UNC93B1: variants seen among roughly 807,000 people sequenced by gnomAD.
UNC93B1 encodes unc-93B1 regulator of TLR signaling.
UNC93B1 carries 33 observed loss-of-function variants against 56.8 expected under a neutral mutation model. The ratio of observed to expected loss-of-function variants is 0.58; its 90% CI spans 0.44 to 0.78. The LOEUF is 0.78. Among genes scored for constraint, UNC93B1 ranks in the 30% least tolerant of loss-of-function variants. The pLI, the probability that UNC93B1 is intolerant of heterozygous loss-of-function variation, is 0.00. For missense variants in UNC93B1, 673 were observed against 819.5 expected (o/e 0.82, Z 2.18); for synonymous variants, 334 against 358.6 (o/e 0.93, Z 0.77).
At chr11:67,995,327 C>T (rs1430383152) in intron 9 of UNC93B1, among the ~76,000 whole-genome samples, 4 of 152,066 alleles carry the variant, frequency 2.6e-5, no homozygotes, top group South Asian at 2.1e-4. Flanking sequence ...GCCCTGTGCC[C>T]GCTCTGGGGT....
rs1251497724 is a variant in UNC93B1 at position 67,991,428 on chromosome 11, G to A, written c.*118C>T. ...TGGGAGGGGCGTCCCCAACGTGGGG[G>A]AGGGGAGACAGGGGCCTTTGAAGAC... On this transcript the variant is annotated 3_prime_UTR_variant, in exon 11 of 11. Coordinates refer to ENST00000227471, the MANE Select transcript of UNC93B1 (RefSeq NM_030930.4). The A allele has an allele frequency of 2.9e-6, 3 of 1,026,498 alleles. No homozygotes were observed. The highest frequency in any genetic ancestry group is 3.9e-6 in the Non-Finnish European group (3 of 769,466). 63.6% of individuals were successfully genotyped at this position (1,026,498 alleles called of 1,614,324 possible). A position where few individuals can be genotyped will look rare whatever the true frequency, so the allele number is the denominator to read the frequency against.
chr11:68,003,718 GC>G lies in UNC93B1; in HGVS notation c.176del (p.Gly59AlafsTer28). 1 of 1,528,008 alleles carries G rather than the reference GC, an allele frequency of 6.5e-7. No homozygotes were observed. Among genetic ancestry groups the G allele is most frequent in the East Asian group, 2.5e-5 (1 of 39,370 alleles). 94.7% of individuals were successfully genotyped at this position (1,528,008 alleles called of 1,614,324 possible). A position where few individuals can be genotyped will look rare whatever the true frequency, so the allele number is the denominator to read the frequency against. Reference protein sequence around the residue: ...ERRYYRRKRLGVLKNVLAASA... With the variant: ...ERRYYRRKRLXVLKNVLAASA... ...TGGCAGCCAGCACGTTCTTGAGCAC[GC>G]CCAGGCGCTTGCGGCGGTAGTAGCG... On this transcript the variant is annotated frameshift_variant, in exon 2 of 11. Transcript: ENST00000227471. LOFTEE classifies it high-confidence loss of function. This position sits in a 1 kb window ranked among gnomAD's most constrained non-coding sequence, Gnocchi z 4.4.
At position 68,003,629 on chromosome 11, in the gene UNC93B1, CG is replaced by C; in HGVS notation, c.238+27del. 2 of 1,503,306 alleles carry C rather than the reference CG, an allele frequency of 1.3e-6. No homozygotes were observed. The highest frequency in any genetic ancestry group is 1.8e-6 in the Non-Finnish European group (2 of 1,131,772). 93.1% of individuals were successfully genotyped at this position (1,503,306 alleles called of 1,614,324 possible). A position where few individuals can be genotyped will look rare whatever the true frequency, so the allele number is the denominator to read the frequency against. ...CGGGCCGGGCTGGGAGCGGGCGGGG[CG>C]GCCCCGGGTCCCCGAGCGGCACCTA... On this transcript the variant is annotated intron_variant, in intron 2 of 10. Transcript: ENST00000227471. The surrounding 1 kb of genome is among the most constrained non-coding windows in gnomAD (Gnocchi z 4.4).
rs1380179593 is a variant in UNC93B1, at chr11:68,003,448, C to G, written c.238+209G>C. 1.2e-6 allele frequency: 1 copy of G among 857,060 alleles called. No individual in the cohort carries two copies. Among genetic ancestry groups the G allele is most frequent in the Non-Finnish European group, 1.7e-6 (1 of 592,922 alleles). 53.1% of individuals were successfully genotyped at this position (857,060 alleles called of 1,614,324 possible). On this transcript the variant is annotated intron_variant, in intron 2 of 10. Coordinates refer to ENST00000227471, the MANE Select transcript of UNC93B1 (RefSeq NM_030930.4). The surrounding 1 kb of genome is among the most constrained non-coding windows in gnomAD (Gnocchi z 4.4). ...TGTCCGGGAGCCCGGACCCCCGTCC[C>G]CCACCCACACCGAGGCTCTGGCTGG... is the stretch of plus-strand genomic sequence containing the variant.
intron 6 of UNC93B1, 114 bp from the exon 7 acceptor site, chr11:67,997,913 A>G: frequency 6.8e-7 from 1 of 1,460,916 alleles, no homozygotes; most frequent in South Asian, 1.2e-5. Flanking sequence ...CGGGAGAGTG[A>G]GAGCAAGGGC....
At chr11:67,994,459 C>T (rs1194848600) in intron 9 of UNC93B1, among the ~76,000 whole-genome samples, 1 of 152,180 alleles carries the variant, frequency 6.6e-6, no homozygotes, top group Admixed American at 6.5e-5. Context: ...ATAGGGGCCA[C>T]TATTAACACC....
chr11:67,994,585 G>T (rs1856904264), intron 9 of UNC93B1, among the ~76,000 whole-genome samples: 1 of 152,128 alleles, frequency 6.6e-6, no homozygotes, highest in Non-Finnish European at 1.5e-5. Context: ...GGAGGAGATG[G>T]GATATGGAGC....
At chr11:67,997,471 C>T in intron 7 of UNC93B1, 1 of 864,174 alleles carries the variant, frequency 1.2e-6, no homozygotes, top group Non-Finnish European at 1.7e-6. Context: ...CCACAGGCCT[C>T]AGCCCCGCCT....
chr11:68,003,231 G>A lies in UNC93B1; in HGVS notation c.239-56C>T, dbSNP rs1157309032. 22 of 1,521,400 alleles carry A rather than the reference G, an allele frequency of 1.4e-5. No individual in the cohort carries two copies. Among genetic ancestry groups the A allele is most frequent in the African/African-American group, 2.8e-5 (2 of 71,290 alleles). 94.2% of individuals were successfully genotyped at this position (1,521,400 alleles called of 1,614,324 possible). On this transcript the variant is annotated intron_variant, in intron 2 of 10. Coordinates refer to ENST00000227471, the MANE Select transcript of UNC93B1 (RefSeq NM_030930.4). The surrounding 1 kb of genome is among the most constrained non-coding windows in gnomAD (Gnocchi z 4.4). ...GAGCAGCCTAGCTTTGGGCGCCACC[G>A]AGCAGAAGACGGCATGCAGGCCTCG...
chr11:67,995,794 G>T lies in UNC93B1; in HGVS notation c.1180C>A (p.Leu394Met), dbSNP rs1406553345. The T allele has an allele frequency of 1.3e-6, 2 of 1,547,824 alleles. No homozygotes were observed. The highest frequency in any genetic ancestry group is 1.7e-6 in the Non-Finnish European group (2 of 1,146,602). ...GGGCGTGGCAGCCACAGGCCCAGCA[G>T]GCCCAGGAGTGAGGCGGCTGAGGCG... The part of the protein sequence containing the change: ...LGASAASLLG[L>M]LGLWLPRPVP... The change falls in exon 9 of 11, where the codon CTG (leucine) becomes ATG (methionine). Residue 394 changes from leucine (L) to methionine (M), a missense_variant. By Grantham distance (15) the Leu-to-Met change is conservative. Coordinates refer to ENST00000227471, the MANE Select transcript of UNC93B1 (RefSeq NM_030930.4).
chr11:67,998,321 C>CT, intron 6 of UNC93B1, 38 bp downstream of exon 6: 1 of 1,609,166 alleles, frequency 6.2e-7, no homozygotes. Flanking sequence ...AGTAAGCAGG[C>CT]TTTGTGGACT....
At chr11:67,993,380 C>G (rs1856881600) in intron 10 of UNC93B1, among the ~76,000 whole-genome samples, 1 of 152,274 alleles carries the variant, frequency 6.6e-6, no homozygotes, top group African/African-American at 2.4e-5. Flanking sequence ...GCCTGCTCCC[C>G]TTCAGGCCAT....
intron 10 of UNC93B1, among the ~76,000 whole-genome samples, chr11:67,993,081 C>A (rs1856876338): frequency 6.6e-6 from 1 of 152,116 alleles, no homozygotes; most frequent in African/African-American, 2.4e-5. Context: ...CCTCCGCCTC[C>A]CAGTTCAAGT....
Position 67,991,501 on chromosome 11 carries a change from G to C in UNC93B1, c.*45C>G, listed in dbSNP as rs1484352100. ...CCCCCGACCTCAGACGTGGTAAACT[G>C]AGGCCGGCGAGGAGGGAGGCTGAGT... On this transcript the variant is annotated 3_prime_UTR_variant, in exon 11 of 11. Coordinates refer to ENST00000227471, the MANE Select transcript of UNC93B1 (RefSeq NM_030930.4). 1 of 1,375,446 alleles carries C rather than the reference G, an allele frequency of 7.3e-7. No individual in the cohort carries two copies. The highest frequency in any genetic ancestry group is 9.3e-7 in the Non-Finnish European group (1 of 1,070,362). The allele number at this position is 1,375,446 out of a possible 1,614,324, so 85.2% of individuals were successfully genotyped here. A position where few individuals can be genotyped will look rare whatever the true frequency, so the allele number is the denominator to read the frequency against.
intron 5 of UNC93B1, 94 bp downstream of exon 5, chr11:67,999,079 A>G: frequency 1.3e-6 from 2 of 1,539,652 alleles, no homozygotes; most frequent in Non-Finnish European, 1.8e-6. Context: ...CAATAATAAA[A>G]GAAAGAAAGT....
rs1385588735 is a variant in UNC93B1, at chr11:67,991,399, G to T, written c.*147C>A. On this transcript the variant is annotated 3_prime_UTR_variant, in exon 11 of 11. Transcript: ENST00000227471. ...CTGCGGAAGCCCGGAGGTGACCTGG[G>T]CTCTGGGAGGGGCGTCCCCAACGTG... is the stretch of plus-strand genomic sequence containing the variant. 7.5e-6 allele frequency: 6 copies of T among 802,212 alleles called. No individual in the cohort carries two copies. The highest frequency in any genetic ancestry group is 8.8e-6 in the Non-Finnish European group (5 of 565,816). 49.7% of individuals were successfully genotyped at this position (802,212 alleles called of 1,614,324 possible). A position where few individuals can be genotyped will look rare whatever the true frequency, so the allele number is the denominator to read the frequency against.
At chr11:67,999,031 T>G (rs10896286) in intron 5 of UNC93B1, 142 bp downstream of exon 5, 239,396 of 1,345,722 alleles carry the variant, frequency 0.18, 21,666 homozygotes, top group Middle Eastern at 0.2. Flanking sequence ...TTCAAAGCCA[T>G]CTGGGCAACA....
At position 67,995,675 on chromosome 11, in the gene UNC93B1, C is replaced by G. The variant is rs758697732; in HGVS notation, c.1299G>C (p.Trp433Cys). 1 of 1,538,764 alleles carries G rather than the reference C, an allele frequency of 6.5e-7. No homozygotes were observed. The highest frequency in any genetic ancestry group is 8.8e-7 in the Non-Finnish European group (1 of 1,142,068). The change falls in exon 9 of 11, where the codon TGG becomes TGC. Residue 433 changes from tryptophan (W) to cysteine (C), a missense_variant. Trp to Cys is a radical substitution (Grantham distance 215, BLOSUM62 -2). Around this residue, in one of 3 missense-constraint regions of UNC93B1, gnomAD observed 155 missense variants for 268.3 expected, o/e 0.58. Transcript: ENST00000227471. ...AAAGGGCAGCTGCCACATAGAGGAT[C>G]CAGCTGTGTTGCAGGACCCGAGGCA... ...APVPRVLQHSWILYVAAALWG... is the reference protein window; with the variant it reads ...APVPRVLQHSCILYVAAALWG...
At chr11:68,002,067 A>T (rs1265377561) in intron 3 of UNC93B1, among the ~76,000 whole-genome samples, 2 of 150,336 alleles carry the variant, frequency 1.3e-5, no homozygotes, top group South Asian at 4.2e-4. Context: ...TGAGCCTGGG[A>T]GGCAGAGGTT....
Sources: gnomAD v4.1 joint callset for allele counts (sites outside exome capture counted in the v4.1 genomes callset) on GRCh38, gnomAD v4.1.1 for gene constraint, gnomAD v4.1.1 regional missense constraint, Gnocchi (gnomAD v3.1) non-coding constraint, MANE v1.5 for transcripts, NCBI Gene and HGNC (gene_info 2026-07-23, HGNC 2026-07-21) for gene names.